The following UNC13C variants were observed in gnomAD, a reference collection of about 807,000 sequenced individuals.
UNC13C encodes protein unc-13 homolog C.
A neutral mutation model predicts 245.4 loss-of-function variants in UNC13C; 174 were observed. That is an observed-to-expected ratio of 0.71 (90% confidence interval 0.63 to 0.80). The LOEUF (loss-of-function observed/expected upper bound fraction) is 0.80. UNC13C is among the 30% of genes least tolerant of loss of function. The pLI is 0.00. For missense variants in UNC13C, 2,829 were observed against 2,602.9 expected (o/e 1.09, Z -1.89); for synonymous variants, 992 against 895.1 (o/e 1.11, Z -1.93).
chr15:54,129,185 A>G (rs995675843), intron 2 of UNC13C, among the ~76,000 whole-genome samples: 2 of 152,226 alleles, frequency 1.3e-5, no homozygotes, highest in East Asian at 1.9e-4. Context: ...TGGAAGTTCC[A>G]CTAATGAATT....
intron 32 of UNC13C, among the ~76,000 whole-genome samples, chr15:54,625,413 C>CTAAG (rs1555404062): frequency 6.6e-6 from 1 of 152,058 alleles, no homozygotes; most frequent in African/African-American, 2.4e-5. Flanking sequence ...AAGATGATCC[C>CTAAG]TAAGTTTTTG....
intron 2 of UNC13C, among the ~76,000 whole-genome samples, chr15:54,075,320 C>G (rs543380708): frequency 6.6e-6 from 1 of 152,070 alleles, no homozygotes; most frequent in African/African-American, 2.4e-5. Flanking sequence ...ACCGTCTCTA[C>G]TAAAAATACA....
chr15:54,537,754 A>T (rs1260793546), intron 26 of UNC13C, among the ~76,000 whole-genome samples: 4 of 150,674 alleles, frequency 2.7e-5, no homozygotes, highest in Non-Finnish European at 5.9e-5. Context: ...CTAGTCAACA[A>T]ATGGTGTTGT....
intron 2 of UNC13C, among the ~76,000 whole-genome samples, chr15:54,035,261 A>T (rs1896526777): frequency 6.6e-6 from 1 of 152,228 alleles, no homozygotes. Context: ...CTTGCGATAT[A>T]TTAAGTCAAA....
At chr15:54,595,592 T>C (rs1899036086) in intron 30 of UNC13C, among the ~76,000 whole-genome samples, 1 of 152,176 alleles carries the variant, frequency 6.6e-6, no homozygotes, top group Non-Finnish European at 1.5e-5. Flanking sequence ...TTTGTCTTGA[T>C]CCATAAGTAG....
intron 4 of UNC13C, among the ~76,000 whole-genome samples, chr15:54,159,527 G>A (rs1215045367): frequency 6.6e-6 from 1 of 152,200 alleles, no homozygotes; most frequent in Non-Finnish European, 1.5e-5. Flanking sequence ...ATAGTTAAAA[G>A]GATCAGACAG....
the UNC13C span, among the ~76,000 whole-genome samples, chr15:53,895,022 A>C: frequency 6.6e-6 from 1 of 151,968 alleles, no homozygotes; most frequent in Non-Finnish European, 1.5e-5. Context: ...TCTAGTGATC[A>C]GTTTCCATGA....
chr15:53,842,773 C>T, the UNC13C span, among the ~76,000 whole-genome samples: 1 of 151,960 alleles, frequency 6.6e-6, no homozygotes, highest in Non-Finnish European at 1.5e-5. Context: ...TGCTCCTTAA[C>T]TTTCCTCAAA....
At chr15:54,095,190 G>T (rs1899789334) in intron 2 of UNC13C, among the ~76,000 whole-genome samples, 1 of 152,136 alleles carries the variant, frequency 6.6e-6, no homozygotes, top group African/African-American at 2.4e-5. Flanking sequence ...TTTTTCTTTA[G>T]ATTTCTCAGG....
chr15:54,478,479 T>C (rs909364184), intron 19 of UNC13C, among the ~76,000 whole-genome samples: 8 of 146,818 alleles, frequency 5.4e-5, no homozygotes, highest in African/African-American at 2.0e-4. Flanking sequence ...CACACTACTT[T>C]GAATGTGTCT....
intron 7 of UNC13C, among the ~76,000 whole-genome samples, chr15:54,242,287 G>T (rs2035874269): frequency 6.6e-6 from 1 of 152,056 alleles, no homozygotes; most frequent in Non-Finnish European, 1.5e-5. Flanking sequence ...TACTTATTTT[G>T]AGAGTAATTT....
At chr15:54,001,159 A>G (rs920417614) in intron 1 of UNC13C, among the ~76,000 whole-genome samples, 11 of 152,144 alleles carry the variant, frequency 7.2e-5, no homozygotes, top group African/African-American at 2.4e-4. Flanking sequence ...CTTTTTTCCA[A>G]TGAAAAGTCA....
At chr15:54,132,904 A>T (rs569585570) in intron 2 of UNC13C, among the ~76,000 whole-genome samples, 1 of 152,320 alleles carries the variant, frequency 6.6e-6, no homozygotes, top group Non-Finnish European at 1.5e-5. Context: ...ATTTACATAC[A>T]AACTTGGAGA....
the UNC13C span, among the ~76,000 whole-genome samples, chr15:53,850,783 C>T: frequency 6.6e-6 from 1 of 150,966 alleles, no homozygotes; most frequent in Non-Finnish European, 1.5e-5. Context: ...CCTGTTCTCT[C>T]TTCTCTCTTA....
intron 19 of UNC13C, among the ~76,000 whole-genome samples, chr15:54,455,205 C>CTATATATATATATATATATATATATATA (rs1214014395): frequency 5.3e-5 from 1 of 18,974 alleles, no homozygotes; most frequent in African/African-American, 1.9e-4. Flanking sequence ...CTCTCTCTCT[C>CTATATATATATATATATATATATATATA]TATATATATA....
rs111528399 is a variant in UNC13C, at chr15:54,049,225, A to T, written c.2983+33339A>T. 1,909 of 505,828 alleles carry T rather than the reference A, an allele frequency of 3.8e-3. 40 individuals carry two copies. Among genetic ancestry groups the T allele is most frequent in the African/African-American group, 0.036 (1,797 of 50,136 alleles). 31.3% of individuals were successfully genotyped at this position (505,828 alleles called of 1,614,324 possible). ...TTTTCATCAGCTTTGTCTCATTGCT[A>T]TGGTATCATTACTCAGAGACACAGT... On this transcript the variant is annotated intron_variant, in intron 2 of 32. Transcript: ENST00000260323.
chr15:54,506,293 T>C (rs1437145017), intron 22 of UNC13C, among the ~76,000 whole-genome samples: 1 of 152,174 alleles, frequency 6.6e-6, no homozygotes, highest in Admixed American at 6.6e-5. Flanking sequence ...CAAGAAGCTG[T>C]AGATTGAGAG....
At chr15:53,905,535 T>C in the UNC13C span, among the ~76,000 whole-genome samples, 9 of 151,838 alleles carry the variant, frequency 5.9e-5, no homozygotes, top group Admixed American at 3.9e-4. Context: ...AGACAAATAC[T>C]GCATGGTCTC....
At chr15:54,049,528 T>A (rs1024781039) in intron 2 of UNC13C, 2 of 314,290 alleles carry the variant, frequency 6.4e-6, no homozygotes. Context: ...ATAAGTTCAC[T>A]GCATCATTAA....
Sources: gnomAD v4.1 joint callset for allele counts (sites outside exome capture counted in the v4.1 genomes callset) on GRCh38, gnomAD v4.1.1 for gene constraint, MANE v1.5 for transcripts, NCBI Gene and HGNC (gene_info 2026-07-23, HGNC 2026-07-21) for gene names.